COL22A1: variants seen among roughly 807,000 people sequenced by gnomAD.
COL22A1 encodes collagen type XXII alpha 1 chain.
Under a neutral mutation model 248.9 loss-of-function variants are expected in COL22A1, and 221 were observed. The ratio of observed to expected loss-of-function variants is 0.89; its 90% CI spans 0.80 to 0.99. The LOEUF is 0.99. Ranked by LOEUF, COL22A1 falls within the 50% of genes least tolerant of loss-of-function variation. The pLI, the probability that COL22A1 is intolerant of heterozygous loss-of-function variation, is 0.00. For synonymous variants in COL22A1, 891 were observed against 793.4 expected (o/e 1.12, Z -2.07); for missense variants, 2,240 against 2,179.0 (o/e 1.03, Z -0.56).
In COL22A1 at chr8:138,660,912, ACAG is replaced by A. The variant is rs1564158418; in HGVS notation, c.3241-435_3241-433del. Reference sequence around the variant, plus strand: ...CACAGACACACAAACACACACATACACAGACACACACACAGACACACAGACACA... The same window carrying A: ...CACAGACACACAAACACACACATACAACACACACACAGACACACAGACACA... On this transcript the variant is annotated intron_variant, in intron 43 of 64. Transcript: ENST00000303045. 4.7e-5 allele frequency among the ~76,000 whole-genome samples: 7 copies of A among 147,830 alleles called. No homozygotes were observed. In the South Asian group the frequency reaches 6.6e-4, roughly 14 times the overall value.
intron 3 of COL22A1, among the ~76,000 whole-genome samples, chr8:138,846,834 T>C (rs1821281692): frequency 6.6e-6 from 1 of 152,228 alleles, no homozygotes; most frequent in Admixed American, 6.5e-5. Flanking sequence ...GAGCTACCTC[T>C]AGGGTCAGAG....
At chr8:138,715,089 C>A (rs532656974) in intron 30 of COL22A1, among the ~76,000 whole-genome samples, 16 of 152,270 alleles carry the variant, frequency 1.1e-4, no homozygotes, top group Admixed American at 1.0e-3. Context: ...GTCACAGGCA[C>A]AAAAGGGTGG....
intron 37 of COL22A1, among the ~76,000 whole-genome samples, chr8:138,687,561 C>T (rs1826462440): frequency 2.0e-5 from 3 of 152,192 alleles, no homozygotes; most frequent in Admixed American, 6.5e-5. Context: ...GCCCCAATAT[C>T]GTCTCTTCCT....
chr8:138,703,356 A>T lies in COL22A1; in HGVS notation c.2518-9T>A. The T allele has an allele frequency of 6.2e-7, 1 of 1,612,996 alleles. No individual in the cohort carries two copies. Among genetic ancestry groups the T allele is most frequent in the East Asian group, 2.2e-5 (1 of 44,854 alleles). ...GCAGGACCAGCTTCACCCTAGATGG[A>T]GAAATGGAAAATCCATGACCATTAA... On this transcript the variant is annotated splice_polypyrimidine_tract_variant and intron_variant, in intron 30 of 64. Coordinates refer to ENST00000303045, the MANE Select transcript of COL22A1 (RefSeq NM_152888.3).
At chr8:138,608,333 A>C (rs964148410) in intron 56 of COL22A1, among the ~76,000 whole-genome samples, 10 of 152,210 alleles carry the variant, frequency 6.6e-5, no homozygotes. Flanking sequence ...GTTGAAGAAC[A>C]AACAAACCAT....
chr8:138,901,359 T>TG (rs1212686153), intron 1 of COL22A1, among the ~76,000 whole-genome samples: 3 of 27,038 alleles, frequency 1.1e-4, no homozygotes, highest in Non-Finnish European at 4.0e-4. Flanking sequence ...TACTGGCAGG[T>TG]TTTTTTTTTG....
At chr8:138,849,644 A>G (rs563389011) in intron 3 of COL22A1, among the ~76,000 whole-genome samples, 51 of 152,348 alleles carry the variant, frequency 3.3e-4, no homozygotes, top group Admixed American at 1.3e-3. Context: ...GCAGATGGTC[A>G]GTTTGCTACT....
intron 12 of COL22A1, among the ~76,000 whole-genome samples, chr8:138,782,096 C>T (rs1563756622): frequency 6.6e-6 from 1 of 152,234 alleles, no homozygotes; most frequent in Non-Finnish European, 1.5e-5. Context: ...AAGTGCCTTC[C>T]ATGGCCTCAA....
chr8:138,849,877 G>A (rs1821503638), intron 3 of COL22A1, among the ~76,000 whole-genome samples: 1 of 152,032 alleles, frequency 6.6e-6, no homozygotes, highest in South Asian at 2.1e-4. Flanking sequence ...TCTCTGCACT[G>A]GAAGCCACGT....
At chr8:138,870,376 A>C (rs1296215770) in intron 3 of COL22A1, among the ~76,000 whole-genome samples, 2 of 150,956 alleles carry the variant, frequency 1.3e-5, no homozygotes, top group African/African-American at 4.9e-5. Context: ...TGTATAGCCT[A>C]TGTGCAGTGT....
At chr8:138,856,491 C>T (rs568683496) in intron 3 of COL22A1, among the ~76,000 whole-genome samples, 42 of 141,156 alleles carry the variant, frequency 3.0e-4, no homozygotes, top group Non-Finnish European at 4.6e-4. Flanking sequence ...ACAGAGAGAG[C>T]GAGAGAGACA....
intron 3 of COL22A1, among the ~76,000 whole-genome samples, chr8:138,861,660 C>A (rs1052140304): frequency 3.9e-5 from 6 of 152,188 alleles, no homozygotes; most frequent in African/African-American, 7.2e-5. Context: ...CTGCCACAGG[C>A]ACCTCTCACT....
In COL22A1 at chr8:138,662,083, C is replaced by T. The variant is rs369767133; in HGVS notation, c.3187G>A (p.Gly1063Arg). ...SGPPGDKGSP[G>R]SRGLPGFPGP... is the part of the protein sequence containing the mutation. ...GGGAATCCAGGTAAGCCTCGTGATC[C>T]CTGAAGAAAAAGAAAAGAAGACACT... The change falls in exon 43 of 65, where the codon GGA (glycine) becomes AGA (arginine). Residue 1063 changes from glycine (G) to arginine (R), a missense_variant and splice_region_variant. Gly to Arg is a moderately radical substitution (Grantham distance 125). Coordinates refer to ENST00000303045, the MANE Select transcript of COL22A1 (RefSeq NM_152888.3). 6.2e-7 allele frequency: 1 copy of T among 1,611,136 alleles called. No individual in the cohort carries two copies. Among genetic ancestry groups the T allele is most frequent in the African/African-American group, 1.3e-5 (1 of 74,760 alleles).
At chr8:138,716,004 C>T (rs1313413652) in intron 29 of COL22A1, among the ~76,000 whole-genome samples, 1 of 152,168 alleles carries the variant, frequency 6.6e-6, no homozygotes, top group African/African-American at 2.4e-5. Context: ...TCTGAAAATG[C>T]TCTGCCCTTT....
At chr8:138,674,799 G>A (rs957895990) in intron 41 of COL22A1, among the ~76,000 whole-genome samples, 3 of 152,084 alleles carry the variant, frequency 2.0e-5, no homozygotes, top group Admixed American at 6.6e-5. Context: ...GCTAAGGAGC[G>A]AGTGCCACAT....
In COL22A1 at chr8:138,838,839, G is replaced by A. The variant is rs77117554; in HGVS notation, c.733+5245C>T. On this transcript the variant is annotated intron_variant, in intron 4 of 64. Coordinates refer to ENST00000303045, the MANE Select transcript of COL22A1 (RefSeq NM_152888.3). ...CCTCGCTGAAGCCAGGGAAGCCGCT[G>A]GACCACGTGGTGTCAGAAGACCTTA... Among the ~76,000 whole-genome samples the A allele has an allele frequency of 8.0e-3, 1,216 of 152,274 alleles. 17 individuals are homozygous for A. The highest frequency in any genetic ancestry group is 0.026 in the African/African-American group (1,098 of 41,560).
chr8:138,606,377 T>G lies in COL22A1; in HGVS notation c.4104+4A>C. The G allele has an allele frequency of 6.2e-7, 1 of 1,611,568 alleles. No individual in the cohort carries two copies. The highest frequency in any genetic ancestry group is 8.5e-7 in the Non-Finnish European group (1 of 1,179,098). On this transcript the variant is annotated splice_donor_region_variant and intron_variant, in intron 58 of 64. Coordinates refer to ENST00000303045, the MANE Select transcript of COL22A1 (RefSeq NM_152888.3). ...CTTGGGCCCCACTGGGGTTCTCTGC[T>G]TACCGGAGGCCCACGGGGACCCAGG...
At chr8:138,846,368 G>A (rs1284839402) in intron 3 of COL22A1, among the ~76,000 whole-genome samples, 1 of 152,180 alleles carries the variant, frequency 6.6e-6, no homozygotes, top group Non-Finnish European at 1.5e-5. Context: ...AGAGTAGGCT[G>A]CTCCATTGAG....
chr8:138,644,263 A>AT (rs1324789744), intron 47 of COL22A1, among the ~76,000 whole-genome samples: 1 of 152,204 alleles, frequency 6.6e-6, no homozygotes, highest in African/African-American at 2.4e-5. Context: ...TTTGTTCCTC[A>AT]TGAAATGATT....
Sources: allele counts gnomAD v4.1 joint callset (sites outside exome capture counted in the v4.1 genomes callset), GRCh38; gene constraint gnomAD v4.1.1; transcripts MANE v1.5; gene names NCBI Gene and HGNC (gene_info 2026-07-23, HGNC 2026-07-21).